The following MTHFD1L variants were observed in gnomAD, a reference collection of about 807,000 sequenced individuals.
MTHFD1L encodes methylenetetrahydrofolate dehydrogenase (NADP+ dependent) 1 like, also known as monofunctional C1-tetrahydrofolate synthase, mitochondrial.
In MTHFD1L, 81 loss-of-function variants were observed where a neutral mutation model predicts 119.5. The observed-to-expected ratio is 0.68, with a 90% CI of 0.57 to 0.82. MTHFD1L has a LOEUF of 0.82. Among genes scored for constraint, MTHFD1L ranks in the 40% least tolerant of loss-of-function variants. The probability of loss-of-function intolerance (pLI) is 0.00; values close to 1 mark genes in which losing one functional copy is unlikely to be tolerated. For missense variants in MTHFD1L, 1,125 were observed against 1,253.4 expected, an observed-to-expected ratio of 0.90 and a Z score of 1.55; for synonymous variants, 430 against 475.2, an observed-to-expected ratio of 0.90 and a Z score of 1.24.
Position 150,926,020 on chromosome 6 carries a change from C to G in MTHFD1L, c.1083-102C>G. 1.0e-6 allele frequency: 1 copy of G among 964,422 alleles called. No homozygotes were observed. The highest frequency in any genetic ancestry group is 1.5e-6 in the Non-Finnish European group (1 of 653,782). 59.7% of individuals were successfully genotyped at this position (964,422 alleles called of 1,614,324 possible). On this transcript the variant is annotated intron_variant, in intron 10 of 27. Coordinates refer to ENST00000367321, the MANE Select transcript of MTHFD1L (RefSeq NM_015440.5). This position sits in a 1 kb window ranked among gnomAD's most constrained non-coding sequence, Gnocchi z 4.3. Reference sequence around the variant, plus strand: ...GGGAGAAAGGACCCCAAAGTAATTGCATTGATTTCATCGTTGGCGTGATGT... The same window carrying G: ...GGGAGAAAGGACCCCAAAGTAATTGGATTGATTTCATCGTTGGCGTGATGT...
chr6:151,076,559 G>A (rs998432398), intron 26 of MTHFD1L, among the ~76,000 whole-genome samples: 1 of 151,220 alleles, frequency 6.6e-6, no homozygotes, highest in South Asian at 2.1e-4. Flanking sequence ...GCTGAGGCCC[G>A]AGAATTGCTT....
intron 25 of MTHFD1L, among the ~76,000 whole-genome samples, chr6:151,035,972 A>G (rs1584251422): frequency 6.6e-6 from 1 of 152,352 alleles, no homozygotes; most frequent in East Asian, 1.9e-4. Flanking sequence ...TCGGTATAGA[A>G]GAGTGGAGAT....
At chr6:150,977,145 C>T (rs1204012210) in intron 20 of MTHFD1L, among the ~76,000 whole-genome samples, 3 of 152,234 alleles carry the variant, frequency 2.0e-5, no homozygotes, top group Non-Finnish European at 2.9e-5. Context: ...AAGTACAATG[C>T]ACTTGATTAA....
chr6:151,082,583 T>C (rs1215877343), intron 26 of MTHFD1L, among the ~76,000 whole-genome samples: 1 of 152,202 alleles, frequency 6.6e-6, no homozygotes, highest in East Asian at 1.9e-4. Flanking sequence ...AGAAGATTTT[T>C]TTTTTGGTTT....
intron 7 of MTHFD1L, among the ~76,000 whole-genome samples, chr6:150,891,113 G>A (rs533075836): frequency 6.6e-6 from 1 of 152,282 alleles, no homozygotes; most frequent in South Asian, 2.1e-4. Flanking sequence ...AGCCTCCTGA[G>A]TAGCTGGGAC....
chr6:150,993,664 T>C (rs965698365), intron 20 of MTHFD1L, among the ~76,000 whole-genome samples: 30 of 152,114 alleles, frequency 2.0e-4, no homozygotes, highest in African/African-American at 6.8e-4. Context: ...CCTGGATTCC[T>C]GCACATAGAT....
chr6:150,874,980 C>T (rs1224163406), intron 1 of MTHFD1L, among the ~76,000 whole-genome samples: 1 of 152,004 alleles, frequency 6.6e-6, no homozygotes, highest in Non-Finnish European at 1.5e-5. Flanking sequence ...GAACTCCTGA[C>T]CTTGTGATCC....
At chr6:150,924,174 G>A (rs1448778827) in intron 10 of MTHFD1L, among the ~76,000 whole-genome samples, 1 of 152,122 alleles carries the variant, frequency 6.6e-6, no homozygotes, top group Non-Finnish European at 1.5e-5. Context: ...CCAAAAATCG[G>A]ATGATGTCTC....
At position 150,865,732 on chromosome 6, in the gene MTHFD1L, C is replaced by CGCCGCT. The variant is rs1032522331; in HGVS notation, c.-86_-85insTGCCGC. The CGCCGCT allele has an allele frequency of 5.4e-6, 6 of 1,114,624 alleles. No homozygotes were observed. In the African/African-American group the frequency reaches 1.1e-4, roughly 20 times the overall value. The allele number at this position is 1,114,624 out of a possible 1,614,324, so 69.0% of individuals were successfully genotyped here. On this transcript the variant is annotated 5_prime_UTR_variant, in exon 1 of 28. Coordinates refer to ENST00000367321, the MANE Select transcript of MTHFD1L (RefSeq NM_015440.5). Reference sequence around the variant, plus strand: ...AGCGCCAGGTCCTTCCCGCCGCCGCCGCCGCCGCCGCCGCCTGCTCCCCTG... The same window carrying CGCCGCT: ...AGCGCCAGGTCCTTCCCGCCGCCGCCGCCGCTGCCGCCGCCGCCGCCTGCTCCCCTG...
At chr6:150,905,993 T>C (rs1349096414) in intron 8 of MTHFD1L, among the ~76,000 whole-genome samples, 1 of 152,216 alleles carries the variant, frequency 6.6e-6, no homozygotes, top group Non-Finnish European at 1.5e-5. Flanking sequence ...CCTACTGGCC[T>C]CTAGCAGTCA....
At chr6:151,072,441 CTT>C (rs1247236003) in intron 26 of MTHFD1L, among the ~76,000 whole-genome samples, 1 of 152,136 alleles carries the variant, frequency 6.6e-6, no homozygotes, top group African/African-American at 2.4e-5. Flanking sequence ...AAAATTCACA[CTT>C]ATATTTATAA....
Position 150,908,764 on chromosome 6 carries a change from A to G in MTHFD1L, c.892+3003A>G, listed in dbSNP as rs920462512. On this transcript the variant is annotated intron_variant, in intron 8 of 27. Transcript: ENST00000367321. ...ATAATAGCACATTTCTAAATAGTCT[A>G]CAAGTTTTAATTTTAGCAACTTTGT... Among the ~76,000 whole-genome samples the G allele has an allele frequency of 1.8e-4, 27 of 152,270 alleles. 1 individual carries two copies. Among genetic ancestry groups the G allele is most frequent in the Admixed American group, 1.2e-3 (19 of 15,298 alleles).
intron 4 of MTHFD1L, among the ~76,000 whole-genome samples, chr6:150,878,681 G>A (rs1469694132): frequency 6.6e-6 from 1 of 152,188 alleles, no homozygotes; most frequent in Non-Finnish European, 1.5e-5. Flanking sequence ...TGGTTAACAA[G>A]CACTTTGTTC....
intron 20 of MTHFD1L, among the ~76,000 whole-genome samples, chr6:151,003,142 A>G (rs1313597114): frequency 6.6e-6 from 1 of 152,214 alleles, no homozygotes; most frequent in Non-Finnish European, 1.5e-5. Flanking sequence ...ACAGAACTGA[A>G]TTCAAATTTA....
chr6:151,059,889 G>A (rs1310822272), intron 26 of MTHFD1L, among the ~76,000 whole-genome samples: 1 of 152,188 alleles, frequency 6.6e-6, no homozygotes, highest in Non-Finnish European at 1.5e-5. Context: ...CTTTCAGTGG[G>A]TTTTGGCTTT....
At chr6:151,077,525 A>T (rs944720076) in intron 26 of MTHFD1L, among the ~76,000 whole-genome samples, 11 of 152,002 alleles carry the variant, frequency 7.2e-5, no homozygotes, top group African/African-American at 2.7e-4. Context: ...AGCAAGGGGG[A>T]TGGTTTTTTC....
At chr6:150,903,161 G>A (rs750855244) in intron 7 of MTHFD1L, among the ~76,000 whole-genome samples, 1 of 149,410 alleles carries the variant, frequency 6.7e-6, no homozygotes, top group Non-Finnish European at 1.5e-5. Flanking sequence ...AGAGATCATA[G>A]GTGGCTTAAG....
intron 20 of MTHFD1L, among the ~76,000 whole-genome samples, chr6:150,979,141 G>A (rs1203871143): frequency 6.6e-6 from 1 of 152,142 alleles, no homozygotes; most frequent in Non-Finnish European, 1.5e-5. Context: ...GGGAGGGTGA[G>A]GCAGGAGAAT....
At chr6:150,906,910 A>G (rs1294562129) in intron 8 of MTHFD1L, among the ~76,000 whole-genome samples, 2 of 152,178 alleles carry the variant, frequency 1.3e-5, no homozygotes, top group Admixed American at 6.5e-5. Flanking sequence ...AAGAGGCATT[A>G]AGAGCTGTGG....
Sources: gnomAD v4.1 joint callset for allele counts (sites outside exome capture counted in the v4.1 genomes callset) on GRCh38, gnomAD v4.1.1 for gene constraint, Gnocchi (gnomAD v3.1) non-coding constraint, MANE v1.5 for transcripts, NCBI Gene and HGNC (gene_info 2026-07-23, HGNC 2026-07-21) for gene names.